The following ESPN variants were observed in gnomAD, a reference collection of about 807,000 sequenced individuals.
ESPN encodes the protein espin, also known as autosomal recessive deafness type 36 protein.
ESPN carries 68 observed loss-of-function variants against 77.7 expected under a neutral mutation model. The observed-to-expected ratio is 0.87, with a 90% confidence interval of 0.72 to 1.07. The LOEUF is 1.07. Among genes scored for constraint, ESPN ranks in the 50% least tolerant of loss-of-function variants. ESPN has a pLI of 0.00. For synonymous variants in ESPN, 449 were observed against 567.1 expected (o/e 0.79, Z 2.96); for missense variants, 1,060 against 1,239.0 (o/e 0.86, Z 2.17).
rs548009844 is a variant in ESPN at position 6,434,206 on chromosome 1, C to T, written c.488+5787C>T. 5.3e-5 allele frequency among the ~76,000 whole-genome samples: 8 copies of T among 152,306 alleles called. No individual in the cohort carries two copies. The East Asian group carries it at 1.5e-3, about 29-fold the overall frequency. On this transcript the variant is annotated intron_variant, in intron 2 of 12. Coordinates refer to ENST00000645284, the MANE Select transcript of ESPN (RefSeq NM_031475.3). ...GCATGAGCCACTGCACCTGGCCTCCCAGCTGCCCTATGGTTGCCTGGCTTT... is the reference window on the plus strand; with the variant it reads ...GCATGAGCCACTGCACCTGGCCTCCTAGCTGCCCTATGGTTGCCTGGCTTT...
chr1:6,455,939 A>G, intron 10 of ESPN: 1 of 398,790 alleles, frequency 2.5e-6, no homozygotes, highest in Non-Finnish European at 4.4e-6. Context: ...AGCGGACCGA[A>G]GAGGCTGCTC....
At position 6,433,597 on chromosome 1, in the gene ESPN, A is replaced by G. The variant is rs1241367738; in HGVS notation, c.488+5178A>G. On this transcript the variant is annotated intron_variant, in intron 2 of 12. Coordinates refer to ENST00000645284, the MANE Select transcript of ESPN (RefSeq NM_031475.3). Reference sequence around the variant, plus strand: ...ATTCCAGCCTGGGCAACAGAGCAAGAATCCATTTCAAAAAAAAAAAAAAGA... The same window carrying G: ...ATTCCAGCCTGGGCAACAGAGCAAGGATCCATTTCAAAAAAAAAAAAAAGA... 2.1e-5 allele frequency among the ~76,000 whole-genome samples: 3 copies of G among 145,684 alleles called. No individual in the cohort carries two copies. The East Asian group carries it at 5.9e-4, about 29-fold the overall frequency.
At chr1:6,455,899 A>G (rs973866157) in intron 10 of ESPN, 6 of 398,838 alleles carry the variant, frequency 1.5e-5, no homozygotes, top group Non-Finnish European at 2.7e-5. Flanking sequence ...GAACAGGCGA[A>G]GGAAAAGGAA....
In ESPN at chr1:6,451,153, T is replaced by C. The variant is rs1042536147; in HGVS notation, c.1916-450T>C. ...GACTTTATGTCCATGGAGGCCCCAA[T>C]TGACTCAGTTCAAGGGTCACTGAGG... On this transcript the variant is annotated intron_variant, in intron 8 of 12. Coordinates refer to ENST00000645284, the MANE Select transcript of ESPN (RefSeq NM_031475.3). This position sits in a 1 kb window ranked among gnomAD's most constrained non-coding sequence, Gnocchi z 4.3. 1.3e-5 allele frequency among the ~76,000 whole-genome samples: 2 copies of C among 152,202 alleles called. No homozygotes were observed. The highest frequency in any genetic ancestry group is 2.4e-5 in the African/African-American group (1 of 41,442).
Position 6,444,692 on chromosome 1 carries a change from C to G in ESPN, c.1192+10C>G. On this transcript the variant is annotated intron_variant, in intron 6 of 12. Coordinates refer to ENST00000645284, the MANE Select transcript of ESPN (RefSeq NM_031475.3). ...CAGCACCCTCCATGTGGTGAGTGTG[C>G]CCAGGAGGAAGACGGGGAGGGAGAG... 1.2e-6 allele frequency: 2 copies of G among 1,613,994 alleles called. No individual in the cohort carries two copies. The highest frequency in any genetic ancestry group is 1.7e-6 in the Non-Finnish European group (2 of 1,179,886).
chr1:6,461,309 G>C, downstream of ESPN: 1 of 1,250,342 alleles, frequency 8.0e-7, no homozygotes, highest in Non-Finnish European at 1.1e-6. This position sits in a 1 kb window ranked among gnomAD's most constrained non-coding sequence, Gnocchi z 6.3. Context: ...GGGCCGGCTG[G>C]TGCTGCTACG....
At chr1:6,460,996 T>C (rs978252605), downstream of ESPN, 5 of 380,660 alleles carry the variant, frequency 1.3e-5, no homozygotes, top group African/African-American at 4.3e-5. Flanking sequence ...TGAGCCAGAG[T>C]GGACTCGGGA....
chr1:6,458,570 C>T (rs1644094232), intron 12 of ESPN, among the ~76,000 whole-genome samples: 2 of 151,928 alleles, frequency 1.3e-5, no homozygotes, highest in Admixed American at 1.3e-4. Flanking sequence ...CCCGCCTCAG[C>T]CTCCCAAAGT....
intron 2 of ESPN, among the ~76,000 whole-genome samples, chr1:6,439,271 T>C (rs979556241): frequency 6.6e-6 from 1 of 152,210 alleles, no homozygotes; most frequent in African/African-American, 2.4e-5. Context: ...GAATCTCAGA[T>C]AAACAAGCTG....
intron 2 of ESPN, among the ~76,000 whole-genome samples, chr1:6,429,610 C>T (rs1257071081): frequency 1.3e-5 from 2 of 152,178 alleles, no homozygotes; most frequent in South Asian, 2.1e-4. Context: ...CCCCTGATGG[C>T]GGGACCAATA....
chr1:6,433,971 G>C (rs1404842860), intron 2 of ESPN, among the ~76,000 whole-genome samples: 3 of 152,162 alleles, frequency 2.0e-5, no homozygotes, highest in Non-Finnish European at 4.4e-5. Flanking sequence ...CAGTGGCACG[G>C]CTCACTGCAA....
chr1:6,440,882 C>T, intron 4 of ESPN, 52 bp from the exon 5 acceptor site: 2 of 1,536,256 alleles, frequency 1.3e-6, no homozygotes, highest in African/African-American at 2.7e-5. Flanking sequence ...TGCCCGGGCG[C>T]GGGGGTCCCA....
At position 6,440,391 on chromosome 1, in the gene ESPN, C is replaced by T. The variant is rs1433662468; in HGVS notation, c.626C>T (p.Pro209Leu). 3.2e-6 allele frequency: 5 copies of T among 1,585,170 alleles called. No individual in the cohort carries two copies. The highest frequency in any genetic ancestry group is 2.7e-5 in the African/African-American group (2 of 74,332). Residue 209 changes from proline (P) to leucine (L), a missense_variant, in exon 3 of 13, where the codon CCG becomes CTG. Pro to Leu is a moderately conservative substitution (Grantham distance 98, BLOSUM62 -3). Around this residue, in one of 3 missense-constraint regions of ESPN, gnomAD observed 556 missense variants for 633.6 expected, o/e 0.88. Coordinates refer to ENST00000645284, the MANE Select transcript of ESPN (RefSeq NM_031475.3). The part of the protein sequence containing the change: ...PHARAHDGMT[P>L]LHAAAQMGHS... ...GCGCGCGCCCACGACGGCATGACCC[C>T]GCTGCACGCCGCGGCGCAGATGGGC...
chr1:6,448,216 G>A (rs1569706528), intron 7 of ESPN: 1 of 154,870 alleles, frequency 6.5e-6, no homozygotes, highest in East Asian at 1.9e-4. Flanking sequence ...CCGGACCCCC[G>A]AAAGACAGGG....
rs1359235445 is a variant in ESPN at position 6,452,162 on chromosome 1, G to A, written c.2325+66G>A. 109 of 1,463,482 alleles carry A rather than the reference G, an allele frequency of 7.4e-5. 1 individual carries two copies. The highest frequency in any genetic ancestry group is 3.8e-4 in the African/African-American group (27 of 71,114). 90.7% of individuals were successfully genotyped at this position (1,463,482 alleles called of 1,614,324 possible). ...TCTGGATGCACAGCCCATCCCCCAC[G>A]CCACCCCCAACCCCAACCTCGGGAC... On this transcript the variant is annotated intron_variant, in intron 10 of 12. Coordinates refer to ENST00000645284, the MANE Select transcript of ESPN (RefSeq NM_031475.3).
intron 10 of ESPN, chr1:6,456,387 T>C: frequency 2.7e-6 from 1 of 373,886 alleles, no homozygotes. Flanking sequence ...GGGGCGTTGG[T>C]CGGATAGGCA....
rs1347400578 is a variant in ESPN at position 6,447,332 on chromosome 1, C to CGG, written c.1465-1307_1465-1306dup. On this transcript the variant is annotated intron_variant, in intron 7 of 12. Coordinates refer to ENST00000645284, the MANE Select transcript of ESPN (RefSeq NM_031475.3). This position sits in a 1 kb window ranked among gnomAD's most constrained non-coding sequence, Gnocchi z 5.2. ...TTGTGTCGCCGCGGCGCCCCCCGCG[C>CGG]GGGTGCCTGACCGGGGGCGGGAGCA... 1.3e-5 allele frequency: 2 copies of CGG among 152,218 alleles called. No homozygotes were observed. The highest frequency in any genetic ancestry group is 3.9e-4 in the East Asian group (2 of 5,194). 9.4% of individuals were successfully genotyped at this position (152,218 alleles called of 1,614,324 possible).
rs1483139612 is a variant in ESPN, at chr1:6,440,659, G to A, written c.709G>A (p.Asp237Asn). 5 of 1,528,498 alleles carry A rather than the reference G, an allele frequency of 3.3e-6. No homozygotes were observed. The highest frequency in any genetic ancestry group is 4.4e-6 in the Non-Finnish European group (5 of 1,145,978). The allele number at this position is 1,528,498 out of a possible 1,614,324, so 94.7% of individuals were successfully genotyped here. ...SCTDVSLSEQ[D>N]KDGATAMHFA... ...CACCGACGTGAGCCTGTCCGAGCAG[G>A]ACAAAGACGGCGCCACCGCCATGCA... is the stretch of plus-strand genomic sequence containing the variant. The change falls in exon 4 of 13, where the codon GAC (aspartate) becomes AAC (asparagine). Residue 237 changes from aspartate to asparagine, a missense_variant. By Grantham distance (23) the Asp-to-Asn change is conservative. Transcript: ENST00000645284.
In ESPN at chr1:6,460,152, G is replaced by T. The variant is rs200806495; in HGVS notation, c.*6G>T. ...GGGACATCGCTAAGTACTAGAGGCC[G>T]CAGACTCCTGTCCGCAGCCTCGCAG... On this transcript the variant is annotated 3_prime_UTR_variant, in exon 13 of 13. Coordinates refer to ENST00000645284, the MANE Select transcript of ESPN (RefSeq NM_031475.3). The T allele has an allele frequency of 1.9e-6, 3 of 1,609,746 alleles. No homozygotes were observed. Among genetic ancestry groups the T allele is most frequent in the Non-Finnish European group, 2.5e-6 (3 of 1,178,412 alleles).
Sources: gnomAD v4.1 joint callset for allele counts (sites outside exome capture counted in the v4.1 genomes callset) on GRCh38, gnomAD v4.1.1 for gene constraint, gnomAD v4.1.1 regional missense constraint, Gnocchi (gnomAD v3.1) non-coding constraint, MANE v1.5 for transcripts, NCBI Gene and HGNC (gene_info 2026-07-23, HGNC 2026-07-21) for gene names.